The following ETNPPL variants were observed in gnomAD, a reference collection of about 807,000 sequenced individuals.
ETNPPL encodes the protein ethanolamine-phosphate phospho-lyase.
In ETNPPL, 30 loss-of-function variants were observed where a neutral mutation model predicts 55.5. The ratio of observed to expected loss-of-function variants is 0.54; its 90% CI spans 0.40 to 0.73. The LOEUF (loss-of-function observed/expected upper bound fraction) is 0.73. Ranked by LOEUF, ETNPPL falls within the 30% of genes least tolerant of loss-of-function variation. The pLI, the probability that ETNPPL is intolerant of heterozygous loss-of-function variation, is 0.00. For synonymous variants in ETNPPL, 202 were observed against 207.2 expected, an observed-to-expected ratio of 0.98 and a Z score of 0.21; for missense variants, 528 against 607.9, an observed-to-expected ratio of 0.87 and a Z score of 1.38.
intron 1 of ETNPPL, 120 bp from the exon 2 acceptor site, chr4:108,760,426 C>A: frequency 1.9e-6 from 1 of 529,638 alleles, no homozygotes; most frequent in Non-Finnish European, 3.4e-6. Flanking sequence ...GAAAACACAA[C>A]CTGGATGACA....
chr4:108,762,998 C>T lies in ETNPPL; in HGVS notation c.-100G>A. 1.8e-6 allele frequency: 2 copies of T among 1,117,076 alleles called. No individual in the cohort carries two copies. The highest frequency in any genetic ancestry group is 2.7e-6 in the Non-Finnish European group (2 of 746,958). 69.2% of individuals were successfully genotyped at this position (1,117,076 alleles called of 1,614,324 possible). The stretch of plus-strand genomic sequence containing the variant: ...CTTGGCGGCCCCGGCCGGCCTTCCT[C>T]CCGTTATCCCTCCTGGCGTTCTCTT... On this transcript the variant is annotated 5_prime_UTR_variant, in exon 1 of 13. Coordinates refer to ENST00000296486, the MANE Select transcript of ETNPPL (RefSeq NM_031279.4).
At position 108,742,630 on chromosome 4, in the gene ETNPPL, A is replaced by T; in HGVS notation, c.1372-18T>A. 1 of 1,613,450 alleles carries T rather than the reference A, an allele frequency of 6.2e-7. No homozygotes were observed. The highest frequency in any genetic ancestry group is 1.1e-5 in the South Asian group (1 of 91,030). On this transcript the variant is annotated intron_variant, in intron 12 of 12. Coordinates refer to ENST00000296486, the MANE Select transcript of ETNPPL (RefSeq NM_031279.4). Reference sequence around the variant, plus strand: ...TTCAGCATCTGCAAGACAGGCACACAAAGCTCCAGTGGGCATCCACCTCTA... The same window carrying T: ...TTCAGCATCTGCAAGACAGGCACACTAAGCTCCAGTGGGCATCCACCTCTA...
chr4:108,762,796 G>T, intron 1 of ETNPPL, 47 bp downstream of exon 1: 2 of 1,602,292 alleles, frequency 1.2e-6, no homozygotes, highest in Non-Finnish European at 1.7e-6. Flanking sequence ...TTCTGCACTC[G>T]TTATTGCCCC....
chr4:108,747,900 T>C, intron 9 of ETNPPL, 105 bp downstream of exon 9: 1 of 944,118 alleles, frequency 1.1e-6, no homozygotes, highest in South Asian at 1.6e-5. Context: ...GGCTAATTTT[T>C]TGTAGTTTTA....
At position 108,745,276 on chromosome 4, in the gene ETNPPL, T is replaced by C. The variant is rs952181523; in HGVS notation, c.1303+1123A>G. Among the ~76,000 whole-genome samples the C allele has an allele frequency of 2.0e-5, 3 of 152,244 alleles. No individual in the cohort carries two copies. The East Asian group carries it at 5.8e-4, about 29-fold the overall frequency. ...TAAAAGATTTTCAATATTTTAAATA[T>C]TTTTAAAGAAAAAAGCAAAAGAAAA... On this transcript the variant is annotated intron_variant, in intron 11 of 12. Transcript: ENST00000296486.
chr4:108,748,943 C>T (rs1046992981), intron 8 of ETNPPL, among the ~76,000 whole-genome samples: 2 of 152,060 alleles, frequency 1.3e-5, no homozygotes, highest in East Asian at 3.9e-4. Context: ...ATATCTAATG[C>T]ATGTGGGACT....
rs1239266041 is a variant in ETNPPL, at chr4:108,753,794, AAGAAAGAAAGAAAAGAG to A, written c.502-800_502-784del. On this transcript the variant is annotated intron_variant, in intron 5 of 12. Transcript: ENST00000296486. ...AAAGAAAGAAAGAAAGAAAGAAAGA[AAGAAAGAAAGAAAAGAG>A]AAGAAAAGAAAAGAAAAAAAGAAAT... Among the ~76,000 whole-genome samples, 178 of 108,758 alleles carry A rather than the reference AAGAAAGAAAGAAAAGAG, an allele frequency of 1.6e-3. 1 individual carries two copies. The highest frequency in any genetic ancestry group is 5.5e-3 in the African/African-American group (124 of 22,710). The allele number at this position is 108,758 out of a possible 152,430, so 71.3% of individuals were successfully genotyped here.
intron 6 of ETNPPL, among the ~76,000 whole-genome samples, chr4:108,751,366 G>T (rs1052481010): frequency 3.3e-5 from 5 of 152,156 alleles, no homozygotes; most frequent in Admixed American, 1.3e-4. Flanking sequence ...CCTGTAAAAA[G>T]TTACCTAGGT....
chr4:108,746,608 G>T, intron 10 of ETNPPL, 79 bp from the exon 11 acceptor site: 2 of 1,527,882 alleles, frequency 1.3e-6, no homozygotes, highest in Non-Finnish European at 1.8e-6. Context: ...ACATAGAGCA[G>T]TTTAAGTATT....
rs1729596772 is a variant in ETNPPL at position 108,763,006 on chromosome 4, C to CG, written c.-109_-108insC. Reference sequence around the variant, plus strand: ...CCCCGGCCGGCCTTCCTCCCGTTATCCCTCCTGGCGTTCTCTTGCCCGGGG... The same window carrying CG: ...CCCCGGCCGGCCTTCCTCCCGTTATCGCCTCCTGGCGTTCTCTTGCCCGGGG... On this transcript the variant is annotated 5_prime_UTR_variant, in exon 1 of 13. Coordinates refer to ENST00000296486, the MANE Select transcript of ETNPPL (RefSeq NM_031279.4). The CG allele has an allele frequency of 9.6e-7, 1 of 1,038,526 alleles. No homozygotes were observed. The highest frequency in any genetic ancestry group is 1.6e-5 in the African/African-American group (1 of 63,844). 64.3% of individuals were successfully genotyped at this position (1,038,526 alleles called of 1,614,324 possible). A position where few individuals can be genotyped will look rare whatever the true frequency, so the allele number is the denominator to read the frequency against.
At chr4:108,757,650 T>C (rs996447238) in intron 3 of ETNPPL, among the ~76,000 whole-genome samples, 2 of 152,136 alleles carry the variant, frequency 1.3e-5, no homozygotes, top group Admixed American at 1.3e-4. Flanking sequence ...AATAGAATAT[T>C]AGTCTTGGCT....
chr4:108,743,021 G>A (rs1728293435), intron 12 of ETNPPL, among the ~76,000 whole-genome samples: 1 of 152,118 alleles, frequency 6.6e-6, no homozygotes, highest in Non-Finnish European at 1.5e-5. Flanking sequence ...GTTGTTAGAC[G>A]AAACAGAAGC....
At chr4:108,744,552 GCT>G (rs1465139311) in intron 11 of ETNPPL, among the ~76,000 whole-genome samples, 1 of 151,960 alleles carries the variant, frequency 6.6e-6, no homozygotes, top group Non-Finnish European at 1.5e-5. Context: ...GTGTGAGCAT[GCT>G]CTCTGAGTCC....
At chr4:108,748,646 AGT>A (rs1728738529) in intron 8 of ETNPPL, among the ~76,000 whole-genome samples, 1 of 152,196 alleles carries the variant, frequency 6.6e-6, no homozygotes, top group Non-Finnish European at 1.5e-5. Context: ...TATGGGGATA[AGT>A]CAAAAAAATA....
At chr4:108,747,137 T>C (rs1236308878) in intron 9 of ETNPPL, among the ~76,000 whole-genome samples, 2 of 28,530 alleles carry the variant, frequency 7.0e-5, no homozygotes, top group African/African-American at 1.8e-4. Flanking sequence ...TATATATATA[T>C]ATATATATAT....
At chr4:108,761,106 A>C (rs1038136845) in intron 1 of ETNPPL, among the ~76,000 whole-genome samples, 1 of 152,224 alleles carries the variant, frequency 6.6e-6, no homozygotes, top group Non-Finnish European at 1.5e-5. Context: ...AAGGTCATCC[A>C]TACTTTTATT....
intron 5 of ETNPPL, 82 bp from the exon 6 acceptor site, chr4:108,753,093 T>C (rs1276654486): frequency 6.7e-6 from 5 of 748,988 alleles, no homozygotes; most frequent in Non-Finnish European, 9.3e-6. Flanking sequence ...CACAAGAACA[T>C]GTTAGAATGG....
chr4:108,747,195 T>A (rs11358457), intron 9 of ETNPPL, among the ~76,000 whole-genome samples: 2 of 2,102 alleles, frequency 9.5e-4, no homozygotes, highest in African/African-American at 1.9e-3. Context: ...ATATATATAT[T>A]ATATATATAT....
chr4:108,745,950 A>C (rs887775769), intron 11 of ETNPPL, among the ~76,000 whole-genome samples: 1 of 151,272 alleles, frequency 6.6e-6, no homozygotes, highest in Non-Finnish European at 1.5e-5. Flanking sequence ...AAAAAAAAAA[A>C]CCACGCAAAG....
Sources: gnomAD v4.1 joint callset for allele counts (sites outside exome capture counted in the v4.1 genomes callset) on GRCh38, gnomAD v4.1.1 for gene constraint, MANE v1.5 for transcripts, NCBI Gene and HGNC (gene_info 2026-07-23, HGNC 2026-07-21) for gene names.